The following RSBN1L variants were observed in gnomAD, a reference collection of about 807,000 sequenced individuals.
RSBN1L encodes the protein round spermatid basic protein 1 like.
A neutral mutation model predicts 67.7 loss-of-function variants in RSBN1L; 30 were observed. The ratio of observed to expected loss-of-function variants is 0.44; its 90% CI spans 0.33 to 0.60. The LOEUF (loss-of-function observed/expected upper bound fraction) is 0.60, where lower values mean the gene tolerates loss of function less well. Ranked by LOEUF, RSBN1L falls within the 20% of genes least tolerant of loss-of-function variation. The probability of loss-of-function intolerance (pLI) is 0.02; values close to 1 mark genes in which losing one functional copy is unlikely to be tolerated. For missense variants in RSBN1L, 992 were observed against 1,031.7 expected, an observed-to-expected ratio of 0.96 and a Z score of 0.53; for synonymous variants, 433 against 387.0, an observed-to-expected ratio of 1.12 and a Z score of -1.39.
intron 1 of RSBN1L, among the ~76,000 whole-genome samples, chr7:77,736,006 A>C (rs1482854423): frequency 6.6e-6 from 1 of 152,112 alleles, no homozygotes; most frequent in Admixed American, 6.6e-5. Context: ...ATCAATTACC[A>C]TTTACAGATT....
At chr7:77,729,186 A>T (rs1276147258) in intron 1 of RSBN1L, among the ~76,000 whole-genome samples, 1 of 151,568 alleles carries the variant, frequency 6.6e-6, no homozygotes, top group Non-Finnish European at 1.5e-5. Flanking sequence ...AATTCTTTTT[A>T]TTTATTCCAT....
In RSBN1L at chr7:77,778,923, C is replaced by T. The variant is rs755864930; in HGVS notation, c.2296C>T (p.Pro766Ser). The change falls in exon 8 of 8, where the codon CCT becomes TCT. Residue 766 changes from proline (P) to serine (S), a missense_variant. Physicochemically the swap from Pro to Ser is moderately conservative, Grantham distance 74. This residue lies in a region of RSBN1L where 199 missense variants were observed against 167.7 expected (regional missense o/e 1.19). Transcript: ENST00000334955. ...TGCATCTGTAAGAATCAAGGAAGAA[C>T]CTGTGAATGTTAATATTCCTGAAAA... ...PIASVRIKEE[P>S]VNVNIPEKTT... is the part of the protein sequence containing the mutation. 1.2e-4 allele frequency: 194 copies of T among 1,613,868 alleles called. No individual in the cohort carries two copies. The highest frequency in any genetic ancestry group is 4.0e-4 in the Admixed American group (24 of 59,996).
At chr7:77,761,428 A>C (rs1460664672) in intron 3 of RSBN1L, among the ~76,000 whole-genome samples, 3 of 152,094 alleles carry the variant, frequency 2.0e-5, no homozygotes, top group African/African-American at 7.2e-5. Flanking sequence ...TACCTCTTCC[A>C]CCTCACCGCC....
chr7:77,699,270 A>G (rs1403311089), intron 1 of RSBN1L, among the ~76,000 whole-genome samples: 1 of 152,178 alleles, frequency 6.6e-6, no homozygotes, highest in Non-Finnish European at 1.5e-5. Context: ...CTATAAAGAC[A>G]CCTAAACAAG....
intron 1 of RSBN1L, among the ~76,000 whole-genome samples, chr7:77,703,273 A>G (rs930329733): frequency 2.6e-5 from 4 of 151,782 alleles, no homozygotes; most frequent in African/African-American, 9.7e-5. Flanking sequence ...CCTATTTCCT[A>G]GCGCCCTCTG....
chr7:77,748,011 C>A (rs1314015186), intron 2 of RSBN1L, among the ~76,000 whole-genome samples: 1 of 151,456 alleles, frequency 6.6e-6, no homozygotes, highest in Non-Finnish European at 1.5e-5. Flanking sequence ...AGAGGAAATA[C>A]CTTTGCCAGT....
At position 77,778,839 on chromosome 7, in the gene RSBN1L, G is replaced by GT. The variant is rs1266937203; in HGVS notation, c.2218dup (p.Ser740PhefsTer3). ...TGTAAGCAAAGCCTCCTTGGATTCT[G>GT]TTTTTTCAGATAAACTTCATTCTAA... On this transcript the variant is annotated frameshift_variant, in exon 8 of 8. Coordinates refer to ENST00000334955, the MANE Select transcript of RSBN1L (RefSeq NM_198467.3). LOFTEE classifies it high-confidence loss of function. 5 of 1,613,898 alleles carry GT rather than the reference G, an allele frequency of 3.1e-6. No homozygotes were observed. The highest frequency in any genetic ancestry group is 1.7e-5 in the Admixed American group (1 of 59,982).
chr7:77,776,142 G>A (rs1039339463), intron 6 of RSBN1L, among the ~76,000 whole-genome samples: 7 of 152,170 alleles, frequency 4.6e-5, no homozygotes, highest in African/African-American at 1.7e-4. Context: ...GATAGTGAAT[G>A]TGGTTCACTT....
chr7:77,778,424 T>G lies in RSBN1L; in HGVS notation c.1880T>G (p.Leu627Ter). The G allele has an allele frequency of 6.2e-7, 1 of 1,612,446 alleles. No individual in the cohort carries two copies. Among genetic ancestry groups the G allele is most frequent in the Non-Finnish European group, 8.5e-7 (1 of 1,179,152 alleles). ...GTAGTTCAACGAATGCAGTTAGATTTACATGAACCTCCACTGTCCCAGGTA... is the reference window on the plus strand; with the variant it reads ...GTAGTTCAACGAATGCAGTTAGATTGACATGAACCTCCACTGTCCCAGGTA... Reference protein sequence around the residue: ...LEVVQRMQLDLHEPPLSQCVQ... With the variant: ...LEVVQRMQLD Residue 627 changes from leucine (L) to a stop codon, truncating the protein, a stop_gained, in exon 7 of 8, where the codon TTA (leucine) becomes TGA (stop). Coordinates refer to ENST00000334955, the MANE Select transcript of RSBN1L (RefSeq NM_198467.3). LOFTEE classifies it low-confidence loss of function (END_TRUNC).
At chr7:77,722,043 TAG>T (rs1415370411) in intron 1 of RSBN1L, among the ~76,000 whole-genome samples, 1 of 152,192 alleles carries the variant, frequency 6.6e-6, no homozygotes, top group African/African-American at 2.4e-5. Context: ...GATTTAGTGT[TAG>T]GGGAAAATTG....
At chr7:77,700,004 C>T (rs899089191) in intron 1 of RSBN1L, among the ~76,000 whole-genome samples, 1 of 152,062 alleles carries the variant, frequency 6.6e-6, no homozygotes, top group Non-Finnish European at 1.5e-5. Context: ...ACCATGTTGG[C>T]CAGGCTGGTC....
intron 1 of RSBN1L, among the ~76,000 whole-genome samples, chr7:77,726,659 G>GAC (rs754326075): frequency 9.9e-5 from 15 of 152,034 alleles, no homozygotes; most frequent in Non-Finnish European, 2.1e-4. Context: ...ACCCAGGCTG[G>GAC]AGTGCAGTGG....
At chr7:77,699,728 C>T (rs1051548878) in intron 1 of RSBN1L, among the ~76,000 whole-genome samples, 7 of 151,950 alleles carry the variant, frequency 4.6e-5, no homozygotes, top group Non-Finnish European at 7.4e-5. Context: ...AGCTGACTTG[C>T]GTGATAGCTT....
chr7:77,749,562 C>G lies in RSBN1L; in HGVS notation c.842C>G (p.Ser281Ter). 6.2e-7 allele frequency: 1 copy of G among 1,613,868 alleles called. No individual in the cohort carries two copies. Among genetic ancestry groups the G allele is most frequent in the Non-Finnish European group, 8.5e-7 (1 of 1,179,990 alleles). Residue 281 changes from serine to a stop codon, truncating the protein, a stop_gained, in exon 3 of 8, where the codon TCA (serine) becomes TGA (stop). Transcript: ENST00000334955. LOFTEE classifies it high-confidence loss of function. ...MYSKSIQTIC[S>*]GLLTDVEDQA... ...AGCAAATCTATTCAGACCATCTGCT[C>G]AGGATTGCTAACTGATGTTGAAGAT... is the stretch of plus-strand genomic sequence containing the variant.
At chr7:77,737,034 T>G (rs11979703) in intron 2 of RSBN1L, among the ~76,000 whole-genome samples, 15,412 of 152,018 alleles carry the variant, frequency 0.1, 1,097 homozygotes, top group South Asian at 0.19. Context: ...CTTTTTTTTC[T>G]CTGTTACAGT....
intron 1 of RSBN1L, among the ~76,000 whole-genome samples, chr7:77,715,590 C>G (rs1026478750): frequency 5.3e-5 from 8 of 152,172 alleles, no homozygotes; most frequent in East Asian, 1.9e-4. Flanking sequence ...ATTACAGGCA[C>G]GACACTGTGC....
At chr7:77,724,419 CTTTTTCT>C (rs1312894109) in intron 1 of RSBN1L, among the ~76,000 whole-genome samples, 3 of 148,742 alleles carry the variant, frequency 2.0e-5, no homozygotes, top group Non-Finnish European at 4.5e-5. Context: ...GAATCCCTTT[CTTTTTCT>C]TTTTTCTTTT....
chr7:77,711,882 C>T (rs1276280889), intron 1 of RSBN1L, among the ~76,000 whole-genome samples: 2 of 151,896 alleles, frequency 1.3e-5, no homozygotes, highest in Non-Finnish European at 2.9e-5. Flanking sequence ...ATGGAAAAAC[C>T]ATAGGACTGA....
chr7:77,696,851 C>G lies in RSBN1L; in HGVS notation c.382C>G (p.Leu128Val). Residue 128 changes from leucine to valine, a missense_variant, in exon 1 of 8, where the codon CTG (leucine) becomes GTG (valine). By Grantham distance (32) the Leu-to-Val change is conservative (BLOSUM62 1). Transcript: ENST00000334955. ...CTTGTCTCAGCCGGTGCCGCGCAAA[C>G]TGCTGGTCCCTCCTACGCTGCTGCA... is the stretch of plus-strand genomic sequence containing the variant. ...ASLSQPVPRK[L>V]LVPPTLLHAQ... The G allele has an allele frequency of 6.2e-7, 1 of 1,612,684 alleles. No individual in the cohort carries two copies. Among genetic ancestry groups the G allele is most frequent in the Non-Finnish European group, 8.5e-7 (1 of 1,179,912 alleles).
Sources: allele counts gnomAD v4.1 joint callset (sites outside exome capture counted in the v4.1 genomes callset), GRCh38; gene constraint gnomAD v4.1.1; regional missense constraint gnomAD v4.1.1; transcripts MANE v1.5; gene names NCBI Gene and HGNC (gene_info 2026-07-23, HGNC 2026-07-21).